The following DPP10 variants were observed in gnomAD, a reference collection of about 807,000 sequenced individuals.
The protein encoded by DPP10 is inactive dipeptidyl peptidase 10.
DPP10 carries 33 observed loss-of-function variants against 120.9 expected under a neutral mutation model. That is an observed-to-expected ratio of 0.27 (90% confidence interval 0.21 to 0.37). The LOEUF (loss-of-function observed/expected upper bound fraction) is 0.37. Among genes scored for constraint, DPP10 ranks in the 10% least tolerant of loss-of-function variants. The pLI is 1.00. For synonymous variants in DPP10, 337 were observed against 326.1 expected, an observed-to-expected ratio of 1.03 and a Z score of -0.36; for missense variants, 816 against 942.8, an observed-to-expected ratio of 0.87 and a Z score of 1.76.
chr2:114,723,550 A>C (rs1701846550), intron 1 of DPP10, among the ~76,000 whole-genome samples: 1 of 152,240 alleles, frequency 6.6e-6, no homozygotes, highest in Admixed American at 6.5e-5. Flanking sequence ...TCATTGGCTC[A>C]GAGCAAGTTA....
At chr2:115,525,356 G>T (rs1410073972) in intron 4 of DPP10, among the ~76,000 whole-genome samples, 1 of 152,088 alleles carries the variant, frequency 6.6e-6, no homozygotes, top group African/African-American at 2.4e-5. Flanking sequence ...CAAGTACAGT[G>T]TAGTAGTTTT....
chr2:115,327,483 C>T (rs1396098599), intron 2 of DPP10, among the ~76,000 whole-genome samples: 2 of 151,950 alleles, frequency 1.3e-5, no homozygotes, highest in Admixed American at 6.6e-5. Context: ...CTTGAAGGGG[C>T]TCGAATTTTT....
chr2:115,524,213 A>C (rs1311042285), intron 4 of DPP10, among the ~76,000 whole-genome samples: 1 of 152,142 alleles, frequency 6.6e-6, no homozygotes, highest in Non-Finnish European at 1.5e-5. Flanking sequence ...GTCTGTCCTC[A>C]CCTCAGATGC....
chr2:115,556,374 T>TC (rs1558843738), intron 5 of DPP10, among the ~76,000 whole-genome samples: 1 of 150,088 alleles, frequency 6.7e-6, no homozygotes, highest in Non-Finnish European at 1.5e-5. Flanking sequence ...GTTTTTTTTT[T>TC]TTTTTTTTCT....
At chr2:114,471,836 G>A (rs1302126376) in intron 1 of DPP10, among the ~76,000 whole-genome samples, 2 of 152,170 alleles carry the variant, frequency 1.3e-5, no homozygotes, top group Non-Finnish European at 2.9e-5. Context: ...GGTAAGAGAA[G>A]CACTAGAAAC....
chr2:114,982,721 C>T (rs892411419), intron 1 of DPP10, among the ~76,000 whole-genome samples: 1 of 151,908 alleles, frequency 6.6e-6, no homozygotes, highest in Non-Finnish European at 1.5e-5. Flanking sequence ...CCACCTCAGC[C>T]TCCTGAATAG....
chr2:114,567,615 A>G (rs1689304262), intron 1 of DPP10, among the ~76,000 whole-genome samples: 1 of 152,206 alleles, frequency 6.6e-6, no homozygotes. Flanking sequence ...TTTTAAAGCT[A>G]CTACATTTGT....
At chr2:115,325,445 T>G (rs2106129443) in intron 2 of DPP10, among the ~76,000 whole-genome samples, 1 of 152,254 alleles carries the variant, frequency 6.6e-6, no homozygotes, top group South Asian at 2.1e-4. Flanking sequence ...TGAATAATAT[T>G]TATTATAACC....
chr2:115,631,322 G>T (rs2085853774), intron 5 of DPP10, among the ~76,000 whole-genome samples: 1 of 151,312 alleles, frequency 6.6e-6, no homozygotes, highest in African/African-American at 2.4e-5. Flanking sequence ...TTCTTTATTA[G>T]TCCAGCTAGT....
chr2:115,493,017 G>T (rs1189328250), intron 3 of DPP10, among the ~76,000 whole-genome samples: 1 of 152,020 alleles, frequency 6.6e-6, no homozygotes, highest in Non-Finnish European at 1.5e-5. Flanking sequence ...TTACATATGT[G>T]GAGAACTGTA....
chr2:114,539,489 C>T (rs1159157233), intron 1 of DPP10, among the ~76,000 whole-genome samples: 10 of 152,114 alleles, frequency 6.6e-5, no homozygotes, highest in Non-Finnish European at 1.5e-4. Flanking sequence ...GTCCCCTAAA[C>T]GTGTGCTGTA....
At chr2:115,646,431 C>T (rs527763365) in intron 5 of DPP10, among the ~76,000 whole-genome samples, 7 of 152,168 alleles carry the variant, frequency 4.6e-5, no homozygotes, top group Non-Finnish European at 8.8e-5. Context: ...ATTACTTTAA[C>T]AAAATTAAGA....
At chr2:115,044,772 A>G (rs796819465) in intron 1 of DPP10, among the ~76,000 whole-genome samples, 11 of 152,218 alleles carry the variant, frequency 7.2e-5, no homozygotes, top group African/African-American at 2.4e-4. Flanking sequence ...TCTCACTACC[A>G]CTACCCTTCC....
intron 3 of DPP10, among the ~76,000 whole-genome samples, chr2:115,412,561 T>TTATTA (rs2069037285): frequency 2.0e-5 from 3 of 152,216 alleles, no homozygotes; most frequent in African/African-American, 7.2e-5. Flanking sequence ...TCTTGCAGCA[T>TTATTA]TATTATTCCA....
At chr2:114,867,755 T>G (rs1309692513) in intron 1 of DPP10, among the ~76,000 whole-genome samples, 2 of 152,214 alleles carry the variant, frequency 1.3e-5, no homozygotes, top group Non-Finnish European at 2.9e-5. Context: ...ATTTCCTTTT[T>G]TCCTTCTAAA....
chr2:115,777,266 A>G lies in DPP10; in HGVS notation c.1280A>G (p.Lys427Arg). The stretch of plus-strand genomic sequence containing the variant: ...ACATCAGGAAACTGGGAAGTGATAA[A>G]GATCTTGGCATACGATGAAACTACT... ...HLTSGNWEVI[K>R]ILAYDETTQK... is the part of the protein sequence containing the mutation. The change falls in exon 14 of 26, where the codon AAG becomes AGG. Residue 427 changes from lysine (K) to arginine (R), a missense_variant. By Grantham distance (26) the Lys-to-Arg change is conservative. This residue lies in a region of DPP10 where 592 missense variants were observed against 649.0 expected (regional missense o/e 0.91). Transcript: ENST00000410059. The G allele has an allele frequency of 6.2e-7, 1 of 1,613,180 alleles. No individual in the cohort carries two copies. The highest frequency in any genetic ancestry group is 1.1e-5 in the South Asian group (1 of 91,066).
chr2:114,795,790 CTATTT>C (rs1251587717), intron 1 of DPP10, among the ~76,000 whole-genome samples: 1 of 152,154 alleles, frequency 6.6e-6, no homozygotes, highest in African/African-American at 2.4e-5. Flanking sequence ...AGATACTAGT[CTATTT>C]TATCATTTAC....
At chr2:115,320,729 A>T (rs1212755090) in intron 2 of DPP10, among the ~76,000 whole-genome samples, 1 of 152,126 alleles carries the variant, frequency 6.6e-6, no homozygotes, top group Non-Finnish European at 1.5e-5. Context: ...AATATAAGAA[A>T]TATAAAGATG....
intron 2 of DPP10, among the ~76,000 whole-genome samples, chr2:115,331,054 A>G (rs1413448969): frequency 6.6e-6 from 1 of 152,112 alleles, no homozygotes; most frequent in Non-Finnish European, 1.5e-5. Context: ...CTTCCTATCC[A>G]TGGGCATGGA....
Sources: gnomAD v4.1 joint callset for allele counts (sites outside exome capture counted in the v4.1 genomes callset) on GRCh38, gnomAD v4.1.1 for gene constraint, gnomAD v4.1.1 regional missense constraint, MANE v1.5 for transcripts, NCBI Gene and HGNC (gene_info 2026-07-23, HGNC 2026-07-21) for gene names.